The following C12orf56 variants were observed in gnomAD, a reference collection of about 807,000 sequenced individuals.
The protein encoded by C12orf56 is chromosome 12 open reading frame 56, also known as uncharacterized protein C12orf56.
In C12orf56, 71 loss-of-function variants were observed where a neutral mutation model predicts 69.9. That is an observed-to-expected ratio of 1.02 (90% CI 0.84 to 1.24). The LOEUF is 1.24. C12orf56 is among the 50% of genes most tolerant of loss of function. C12orf56 has a pLI of 0.00. For missense variants in C12orf56, 732 were observed against 738.5 expected (o/e 0.99, Z 0.10); for synonymous variants, 276 against 274.1 (o/e 1.01, Z -0.07).
rs193129707 is a variant in C12orf56, at chr12:64,380,794, G to A, written c.252+9520C>T. 7.9e-5 allele frequency among the ~76,000 whole-genome samples: 12 copies of A among 152,194 alleles called. No homozygotes were observed. In the East Asian group the frequency reaches 2.3e-3, roughly 29 times the overall value. On this transcript the variant is annotated intron_variant, in intron 1 of 12. Coordinates refer to ENST00000543942, the MANE Select transcript of C12orf56 (RefSeq NM_001170633.2). ...TGAGGTATAGAAGGGCATAAAGAAC[G>A]TGGGGAAGAGTGGTAGGAGATGAGT...
intron 6 of C12orf56, among the ~76,000 whole-genome samples, chr12:64,297,395 T>C (rs1350017907): frequency 2.7e-5 from 2 of 72,884 alleles, no homozygotes; most frequent in Non-Finnish European, 7.9e-5. Context: ...TACTTTTTTT[T>C]CTTTTTTTTA....
At chr12:64,354,844 T>C (rs61931524) in intron 1 of C12orf56, among the ~76,000 whole-genome samples, 106,432 of 147,994 alleles carry the variant, frequency 0.72, 38,971 homozygotes, top group Non-Finnish European at 0.78. Flanking sequence ...TTTGGGAGGC[T>C]GAGGCCAGTG....
intron 2 of C12orf56, among the ~76,000 whole-genome samples, chr12:64,332,547 T>C (rs926103900): frequency 6.6e-6 from 1 of 152,234 alleles, no homozygotes; most frequent in Admixed American, 6.5e-5. Flanking sequence ...TGATTTCTTC[T>C]GTCCTGATTT....
In C12orf56 at chr12:64,284,725, CT is replaced by C; in HGVS notation, c.1248del (p.Val417TyrfsTer2). On this transcript the variant is annotated frameshift_variant, in exon 8 of 13. Transcript: ENST00000543942. LOFTEE classifies it high-confidence loss of function. ...GTTTCTGTTTCTCTGAACATCAATA[CT>C]AGGGTCTGTATAATTTCAATGCATG... ...LVACIEIIQT[L>X]VLMFRETETE... 6.2e-7 allele frequency: 1 copy of C among 1,610,066 alleles called. No individual in the cohort carries two copies. The highest frequency in any genetic ancestry group is 1.1e-5 in the South Asian group (1 of 89,734).
intron 12 of C12orf56, among the ~76,000 whole-genome samples, chr12:64,270,199 C>T (rs1565731690): frequency 6.6e-6 from 1 of 151,850 alleles, no homozygotes; most frequent in Admixed American, 6.6e-5. Flanking sequence ...AGTTCGAGAT[C>T]AGCCTGACCA....
intron 5 of C12orf56, among the ~76,000 whole-genome samples, chr12:64,310,260 G>A (rs1479244758): frequency 6.6e-6 from 1 of 151,938 alleles, no homozygotes; most frequent in Non-Finnish European, 1.5e-5. Context: ...TCCCACTTCG[G>A]TCTCCCAAAG....
At chr12:64,303,229 G>A (rs1029474146) in intron 6 of C12orf56, among the ~76,000 whole-genome samples, 32 of 151,672 alleles carry the variant, frequency 2.1e-4, no homozygotes, top group African/African-American at 6.8e-4. Flanking sequence ...AGCTGAGATC[G>A]TGCCATTGCA....
intron 2 of C12orf56, among the ~76,000 whole-genome samples, chr12:64,347,447 G>T (rs533382375): frequency 1.3e-5 from 2 of 152,010 alleles, no homozygotes; most frequent in Non-Finnish European, 2.9e-5. Context: ...CACCACGCCT[G>T]GCTAATTTTT....
At chr12:64,310,304 G>A (rs144920750) in intron 5 of C12orf56, among the ~76,000 whole-genome samples, 140 of 152,182 alleles carry the variant, frequency 9.2e-4, no homozygotes, top group Admixed American at 1.8e-3. Flanking sequence ...ACCATACCTG[G>A]CCCCACTTCA....
At chr12:64,286,768 G>C (rs980882692) in intron 6 of C12orf56, among the ~76,000 whole-genome samples, 1 of 152,082 alleles carries the variant, frequency 6.6e-6, no homozygotes, top group African/African-American at 2.4e-5. Flanking sequence ...CCAGGATTTT[G>C]GTTTACTAGT....
chr12:64,366,101 A>G (rs1810735732), intron 1 of C12orf56, among the ~76,000 whole-genome samples: 1 of 127,540 alleles, frequency 7.8e-6, no homozygotes, highest in African/African-American at 3.1e-5. Context: ...TAGTTTATAT[A>G]TTATATATAA....
At chr12:64,300,080 T>A (rs550671472) in intron 6 of C12orf56, among the ~76,000 whole-genome samples, 107 of 152,158 alleles carry the variant, frequency 7.0e-4, no homozygotes, top group Admixed American at 1.5e-3. Flanking sequence ...GTACTAAAGT[T>A]CCCCATTAGG....
intron 1 of C12orf56, among the ~76,000 whole-genome samples, chr12:64,381,284 C>T (rs936352539): frequency 1.3e-5 from 2 of 152,132 alleles, no homozygotes; most frequent in Non-Finnish European, 2.9e-5. Context: ...CCAGCCAATT[C>T]ATCAAGTGCA....
At chr12:64,353,469 T>C (rs994931535) in intron 1 of C12orf56, among the ~76,000 whole-genome samples, 1 of 151,948 alleles carries the variant, frequency 6.6e-6, no homozygotes, top group Admixed American at 6.6e-5. Flanking sequence ...CTGAGTTCTT[T>C]TTTTTTTTCC....
chr12:64,340,428 A>G (rs1055079473), intron 2 of C12orf56, among the ~76,000 whole-genome samples: 11 of 152,158 alleles, frequency 7.2e-5, no homozygotes, highest in African/African-American at 2.7e-4. Flanking sequence ...CCCCTTGTCA[A>G]CTTAAACCCA....
At chr12:64,313,869 C>T (rs2038655584) in intron 4 of C12orf56, among the ~76,000 whole-genome samples, 1 of 151,164 alleles carries the variant, frequency 6.6e-6, no homozygotes, top group Non-Finnish European at 1.5e-5. Context: ...ATGGTGAAAC[C>T]CCATCTCTAC....
At chr12:64,314,936 GCTTT>G (rs2038671435) in intron 4 of C12orf56, among the ~76,000 whole-genome samples, 3 of 115,310 alleles carry the variant, frequency 2.6e-5, no homozygotes, top group East Asian at 2.7e-4. Context: ...CATCCGGCCA[GCTTT>G]TTTTTTTTTT....
In C12orf56 at chr12:64,267,134, CTTGA is replaced by C. The variant is rs1269501873; in HGVS notation, c.*45_*48del. 3 of 1,349,750 alleles carry C rather than the reference CTTGA, an allele frequency of 2.2e-6. No individual in the cohort carries two copies. Among genetic ancestry groups the C allele is most frequent in the East Asian group, 2.5e-5 (1 of 40,060 alleles). The allele number at this position is 1,349,750 out of a possible 1,614,324, so 83.6% of individuals were successfully genotyped here. A position where few individuals can be genotyped will look rare whatever the true frequency, so the allele number is the denominator to read the frequency against. On this transcript the variant is annotated 3_prime_UTR_variant, in exon 13 of 13. Coordinates refer to ENST00000543942, the MANE Select transcript of C12orf56 (RefSeq NM_001170633.2). ...GTTTCTCGTGAATATCAAGTTGACT[CTTGA>C]TTAACATTTTATACTCTTATTAACA...
At chr12:64,347,322 G>A (rs2039158217) in intron 2 of C12orf56, among the ~76,000 whole-genome samples, 2 of 125,112 alleles carry the variant, frequency 1.6e-5, no homozygotes, top group Admixed American at 1.8e-4. Context: ...GTCTTGCTCT[G>A]TCTCCCAGGC....
Sources: gnomAD v4.1 joint callset for allele counts (sites outside exome capture counted in the v4.1 genomes callset) on GRCh38, gnomAD v4.1.1 for gene constraint, MANE v1.5 for transcripts, NCBI Gene and HGNC (gene_info 2026-07-23, HGNC 2026-07-21) for gene names.